Variants in TMEM52 observed in about 807,000 individuals in gnomAD.
TMEM52 encodes transmembrane protein 52.
A neutral mutation model predicts 16.2 loss-of-function variants in TMEM52; 14 were observed. The observed-to-expected ratio is 0.87, with a 90% CI of 0.57 to 1.35. The LOEUF is 1.35. Among genes scored for constraint, TMEM52 ranks in the 40% most tolerant of loss-of-function variants. The probability of loss-of-function intolerance (pLI) is 0.00; values close to 1 mark genes in which losing one functional copy is unlikely to be tolerated. For missense variants in TMEM52, 309 were observed against 278.6 expected, an observed-to-expected ratio of 1.11 and a Z score of -0.78; for synonymous variants, 136 against 124.7, an observed-to-expected ratio of 1.09 and a Z score of -0.60.
At position 1,918,319 on chromosome 1, in the gene TMEM52, G is replaced by A. The variant is rs553521815; in HGVS notation, c.283C>T (p.Arg95Trp). 16 of 1,612,936 alleles carry A rather than the reference G, an allele frequency of 9.9e-6. No individual in the cohort carries two copies. Among genetic ancestry groups the A allele is most frequent in the African/African-American group, 1.3e-5 (1 of 75,018 alleles). Residue 95 changes from arginine (R) to tryptophan (W), a missense_variant, in exon 4 of 5, where the codon CGG (arginine) becomes TGG (tryptophan). By Grantham distance (101) the Arg-to-Trp change is moderately radical. Transcript: ENST00000310991. ...AQAQPHLPPARQPCDVAVIPM... is the reference protein window; with the variant it reads ...AQAQPHLPPAWQPCDVAVIPM... ...ATGACTGCCACGTCGCAGGGCTGCCGTGCTGGTGGCAGATGTGGCTGGGCC... is the reference window on the plus strand; with the variant it reads ...ATGACTGCCACGTCGCAGGGCTGCCATGCTGGTGGCAGATGTGGCTGGGCC...
Position 1,919,089 on chromosome 1 carries a change from C to T in TMEM52, c.85-1G>A. Reference sequence around the variant, plus strand: ...TGCCGTCCGCGAAGCCCAGCGCCACCTGTGGGGACAAGGGTGAGCCCGGGA... The same window carrying T: ...TGCCGTCCGCGAAGCCCAGCGCCACTTGTGGGGACAAGGGTGAGCCCGGGA... On this transcript the variant is annotated splice_acceptor_variant, in intron 1 of 4. Coordinates refer to ENST00000310991, the MANE Select transcript of TMEM52 (RefSeq NM_178545.4). LOFTEE classifies it high-confidence loss of function. 1 of 1,346,774 alleles carries T rather than the reference C, an allele frequency of 7.4e-7. No homozygotes were observed. The highest frequency in any genetic ancestry group is 9.5e-7 in the Non-Finnish European group (1 of 1,053,698). 83.4% of individuals were successfully genotyped at this position (1,346,774 alleles called of 1,614,324 possible).
Position 1,917,772 on chromosome 1 carries a change from A to G in TMEM52, c.*110T>C. 7.9e-7 allele frequency: 1 copy of G among 1,263,936 alleles called. No homozygotes were observed. Among genetic ancestry groups the G allele is most frequent in the Non-Finnish European group, 1.1e-6 (1 of 898,950 alleles). 78.3% of individuals were successfully genotyped at this position (1,263,936 alleles called of 1,614,324 possible). A position where few individuals can be genotyped will look rare whatever the true frequency, so the allele number is the denominator to read the frequency against. On this transcript the variant is annotated 3_prime_UTR_variant, in exon 5 of 5. Coordinates refer to ENST00000310991, the MANE Select transcript of TMEM52 (RefSeq NM_178545.4). Reference sequence around the variant, plus strand: ...AGTGGGTGACGCCAGGGGCCGGTGTAACATGGCACCGAGGTTGGGGCCACA... The same window carrying G: ...AGTGGGTGACGCCAGGGGCCGGTGTGACATGGCACCGAGGTTGGGGCCACA...
At chr1:1,918,972 G>C in intron 2 of TMEM52, 38 bp from the exon 3 acceptor site, 3 of 1,351,180 alleles carry the variant, frequency 2.2e-6, no homozygotes, top group Non-Finnish European at 2.8e-6. Flanking sequence ...GCGGGGCATG[G>C]GACGGCCGAC....
rs1334298247 is a variant in TMEM52 at position 1,917,603 on chromosome 1, A to G, written c.*279T>C. 18 of 559,706 alleles carry G rather than the reference A, an allele frequency of 3.2e-5. No homozygotes were observed. The South Asian group carries it at 4.2e-4, about 13-fold the overall frequency. 34.7% of individuals were successfully genotyped at this position (559,706 alleles called of 1,614,324 possible). The stretch of plus-strand genomic sequence containing the variant: ...ACATAGGCAGAGACCACTTAAATAC[A>G]AACTTTATTCTCTCTCCAAGAAGAT... On this transcript the variant is annotated 3_prime_UTR_variant, in exon 5 of 5. Coordinates refer to ENST00000310991, the MANE Select transcript of TMEM52 (RefSeq NM_178545.4).
chr1:1,918,196 G>T, intron 4 of TMEM52, 34 bp from the exon 5 acceptor site: 1 of 1,608,758 alleles, frequency 6.2e-7, no homozygotes, highest in Non-Finnish European at 8.5e-7. Flanking sequence ...GTGGAGGCGG[G>T]CTTGGCATTT....
Position 1,918,130 on chromosome 1 carries a change from G to A in TMEM52, c.382C>T (p.Arg128Trp), listed in dbSNP as rs566773598. Residue 128 changes from arginine to tryptophan, a missense_variant, in exon 5 of 5, where the codon CGG (arginine) becomes TGG (tryptophan). By Grantham distance (101) the Arg-to-Trp change is moderately radical. Coordinates refer to ENST00000310991, the MANE Select transcript of TMEM52 (RefSeq NM_178545.4). ...YSSVQYPLGMRLPLPFGELDL... is the reference protein window; with the variant it reads ...YSSVQYPLGMWLPLPFGELDL... ...AGCTCCCCAAAGGGCAGGGGCAACC[G>A]CATGCCCAGTGGGTACTGCACGGAG... The A allele has an allele frequency of 5.0e-6, 8 of 1,613,308 alleles. No individual in the cohort carries two copies. Among genetic ancestry groups the A allele is most frequent in the East Asian group, 2.2e-5 (1 of 44,876 alleles).
chr1:1,919,009 CG>C, intron 2 of TMEM52, 35 bp downstream of exon 2: 1 of 1,339,240 alleles, frequency 7.5e-7, no homozygotes, highest in Non-Finnish European at 9.5e-7. Context: ...CCCCATAGGG[CG>C]GGGCCAGGCC....
At position 1,918,327 on chromosome 1, in the gene TMEM52, G is replaced by C. The variant is rs1291150256; in HGVS notation, c.275C>G (p.Pro92Arg). 1 of 1,612,952 alleles carries C rather than the reference G, an allele frequency of 6.2e-7. No homozygotes were observed. The highest frequency in any genetic ancestry group is 1.1e-5 in the South Asian group (1 of 91,076). ...RKQAQAQPHL[P>R]PARQPCDVAV... ...CACGTCGCAGGGCTGCCGTGCTGGT[G>C]GCAGATGTGGCTGGGCCTGTGCCTG... The change falls in exon 4 of 5, where the codon CCA (proline) becomes CGA (arginine). Residue 92 changes from proline to arginine, a missense_variant. Transcript: ENST00000310991.
rs368503621 is a variant in TMEM52, at chr1:1,917,972, G to A, written c.540C>T (p.Leu180=). Residue 180 remains leucine, a synonymous_variant, in exon 5 of 5, where the codon CTC becomes CTT. Transcript: ENST00000310991. ...GPALSQKPSP[L]LGASGLETTP... ...TGGTCTCTAGGCCCGAGGCCCCAAGGAGAGGGCTGGGTTTCTGGGAGAGTG... is the reference window on the plus strand; with the variant it reads ...TGGTCTCTAGGCCCGAGGCCCCAAGAAGAGGGCTGGGTTTCTGGGAGAGTG... The A allele has an allele frequency of 3.5e-5, 57 of 1,613,842 alleles. No homozygotes were observed. The highest frequency in any genetic ancestry group is 4.8e-5 in the Non-Finnish European group (57 of 1,180,026).
chr1:1,918,830 T>A (rs1651240514), intron 3 of TMEM52, 63 bp downstream of exon 3: 1 of 1,478,624 alleles, frequency 6.8e-7, no homozygotes, highest in Non-Finnish European at 8.9e-7. Context: ...CTGGCGGGCC[T>A]GGCCCCGGTG....
chr1:1,918,776 G>T, intron 3 of TMEM52, 117 bp downstream of exon 3: 1 of 1,256,804 alleles, frequency 8.0e-7, no homozygotes, highest in African/African-American at 1.5e-5. Flanking sequence ...CCCGCCAGCG[G>T]CCGGGACTGG....
rs778097390 is a variant in TMEM52 at position 1,918,141 on chromosome 1, G to C, written c.371C>G (p.Pro124Arg). The change falls in exon 5 of 5, where the codon CCA becomes CGA. Residue 124 changes from proline (P) to arginine (R), a missense_variant. Physicochemically the swap from Pro to Arg is moderately radical, Grantham distance 103 (BLOSUM62 -2). Transcript: ENST00000310991. ...GGGCAGGGGCAACCGCATGCCCAGT[G>C]GGTACTGCACGGAGCTGTAGGCTGC... ...TVTSYSSVQY[P>R]LGMRLPLPFG... is the part of the protein sequence containing the mutation. The C allele has an allele frequency of 1.8e-5, 29 of 1,613,298 alleles. No individual in the cohort carries two copies. The South Asian group carries it at 3.1e-4, about 17-fold the overall frequency.
chr1:1,919,125 C>T lies in TMEM52; in HGVS notation c.85-37G>A, dbSNP rs770405099. The T allele has an allele frequency of 9.9e-5, 135 of 1,357,662 alleles. 1 individual carries two copies. In the African/African-American group the frequency reaches 1.9e-3, roughly 19 times the overall value. 84.1% of individuals were successfully genotyped at this position (1,357,662 alleles called of 1,614,324 possible). ...AGGGTGAGCCCGGGAGGGGCGTGGT[C>T]CGAGCAGGGACCCGCCCCGCGGTGG... On this transcript the variant is annotated intron_variant, in intron 1 of 4. Transcript: ENST00000310991.
rs769323175 is a variant in TMEM52 at position 1,917,889 on chromosome 1, G to A, written c.623C>T (p.Ala208Val). The change falls in exon 5 of 5, where the codon GCC (alanine) becomes GTC (valine). Residue 208 changes from alanine (A) to valine (V), a missense_variant. Transcript: ENST00000310991. ...NTQLPPCSPG[A>V]P ...TCCGTTCTCCTACCTCCTTCAAGGG[G>A]CACCAGGGCTACAAGGTGGTAGTTG... 6.2e-7 allele frequency: 1 copy of A among 1,612,904 alleles called. No individual in the cohort carries two copies. Among genetic ancestry groups the A allele is most frequent in the South Asian group, 1.1e-5 (1 of 91,074 alleles).
chr1:1,919,253 G>T lies in TMEM52; in HGVS notation c.13C>A (p.Pro5Thr). Residue 5 changes from proline to threonine, a missense_variant, in exon 1 of 5, where the codon CCG (proline) becomes ACG (threonine). By Grantham distance (38) the Pro-to-Thr change is conservative (BLOSUM62 -1). Transcript: ENST00000310991. MARGPLAARGLRLLL... is the reference protein window; with the variant it reads MARGTLAARGLRLLL... ...AGCCGCAGTCCGCGGGCGGCCAGCG[G>T]CCCCCGGGCCATGCTCTGAGGAGGT... The T allele has an allele frequency of 4.4e-6, 6 of 1,366,794 alleles. No homozygotes were observed. Among genetic ancestry groups the T allele is most frequent in the Non-Finnish European group, 5.6e-6 (6 of 1,068,552 alleles). 84.7% of individuals were successfully genotyped at this position (1,366,794 alleles called of 1,614,324 possible).
Position 1,917,855 on chromosome 1 carries a change from A to G in TMEM52, c.*27T>C. ...CCTTGGCTCCAAGCATTAGTTCTCC[A>G]AGCTCTGGTCCGTTCTCCTACCTCC... On this transcript the variant is annotated 3_prime_UTR_variant, in exon 5 of 5. Coordinates refer to ENST00000310991, the MANE Select transcript of TMEM52 (RefSeq NM_178545.4). 1 of 1,601,848 alleles carries G rather than the reference A, an allele frequency of 6.2e-7. No individual in the cohort carries two copies. Among genetic ancestry groups the G allele is most frequent in the Non-Finnish European group, 8.5e-7 (1 of 1,172,392 alleles).
Position 1,918,392 on chromosome 1 carries a change from A to G in TMEM52, c.210T>C (p.Gly70=). The G allele has an allele frequency of 1.2e-6, 2 of 1,612,624 alleles. No individual in the cohort carries two copies. The highest frequency in any genetic ancestry group is 2.2e-5 in the East Asian group (1 of 44,856). ...AGAACCGGACACAACCAGCTGTGAC[A>G]CCACACAGCAGAAGCAGGAGGACCG... ...LLAVLLLLLC[G]VTAGCVRFCC... Residue 70 remains glycine, a synonymous_variant, in exon 4 of 5, where the codon GGT becomes GGC. Coordinates refer to ENST00000310991, the MANE Select transcript of TMEM52 (RefSeq NM_178545.4).
rs1651189654 is a variant in TMEM52 at position 1,917,795 on chromosome 1, A to G, written c.*87T>C. On this transcript the variant is annotated 3_prime_UTR_variant, in exon 5 of 5. Transcript: ENST00000310991. Reference sequence around the variant, plus strand: ...GTAACATGGCACCGAGGTTGGGGCCACAGCAATGTGTGGGACGGTGGGGTG... The same window carrying G: ...GTAACATGGCACCGAGGTTGGGGCCGCAGCAATGTGTGGGACGGTGGGGTG... The G allele has an allele frequency of 6.9e-7, 1 of 1,442,418 alleles. No homozygotes were observed. 89.4% of individuals were successfully genotyped at this position (1,442,418 alleles called of 1,614,324 possible).
Position 1,919,029 on chromosome 1 carries a change from CT to C in TMEM52, c.128+15del. On this transcript the variant is annotated intron_variant, in intron 2 of 4. Transcript: ENST00000310991. ...TAGGGCGGGGCCAGGCCCCGGCTCC[CT>C]CCCCCCCGACTTACTGGTCCGAGGG... The C allele has an allele frequency of 7.5e-7, 1 of 1,337,686 alleles. No individual in the cohort carries two copies. Among genetic ancestry groups the C allele is most frequent in the Non-Finnish European group, 9.5e-7 (1 of 1,048,684 alleles). 82.9% of individuals were successfully genotyped at this position (1,337,686 alleles called of 1,614,324 possible). A position where few individuals can be genotyped will look rare whatever the true frequency, so the allele number is the denominator to read the frequency against.
Sources: gnomAD v4.1 joint callset for allele counts on GRCh38, gnomAD v4.1.1 for gene constraint, MANE v1.5 for transcripts, NCBI Gene and HGNC (gene_info 2026-07-23, HGNC 2026-07-21) for gene names.